Variants in ENOX1 observed in about 807,000 individuals in gnomAD.
ENOX1 encodes ecto-NOX disulfide-thiol exchanger 1.
Under a neutral mutation model 82.5 loss-of-function variants are expected in ENOX1, and 42 were observed. The ratio of observed to expected loss-of-function variants is 0.51; its 90% CI spans 0.40 to 0.66. ENOX1 has a LOEUF of 0.66. Among genes scored for constraint, ENOX1 ranks in the 30% least tolerant of loss-of-function variants. ENOX1 has a pLI of 0.00. For missense variants in ENOX1, 608 were observed against 811.6 expected, an observed-to-expected ratio of 0.75 and a Z score of 3.05; for synonymous variants, 271 against 282.2, an observed-to-expected ratio of 0.96 and a Z score of 0.40.
At chr13:43,531,729 G>T in intron 2 of ENOX1, among the ~76,000 whole-genome samples, 1 of 146,952 alleles carries the variant, frequency 6.8e-6, no homozygotes, top group Non-Finnish European at 1.5e-5. Flanking sequence ...ATACACCATG[G>T]AATACTATGC....
At chr13:43,248,522 T>C (rs976718375) in intron 14 of ENOX1, among the ~76,000 whole-genome samples, 1 of 152,152 alleles carries the variant, frequency 6.6e-6, no homozygotes, top group East Asian at 1.9e-4. Context: ...GTATCTATTA[T>C]CAATGCTTTC....
chr13:43,605,581 G>C (rs1379134886), intron 2 of ENOX1, among the ~76,000 whole-genome samples: 3 of 152,092 alleles, frequency 2.0e-5, no homozygotes, highest in Non-Finnish European at 4.4e-5. Flanking sequence ...AATAAATGGT[G>C]CTGGAACAAC....
intron 2 of ENOX1, among the ~76,000 whole-genome samples, chr13:43,640,871 CACACACACACGCGCACACACACACGT>C (rs1423535711): frequency 1.6e-4 from 2 of 12,830 alleles, no homozygotes; most frequent in Non-Finnish European, 1.4e-4. Flanking sequence ...TACACACATG[CACACACACACGCGCACACACACACGT>C]ACACACACAC....
intron 14 of ENOX1, among the ~76,000 whole-genome samples, chr13:43,259,838 T>G (rs1318854593): frequency 2.6e-5 from 4 of 152,176 alleles, no homozygotes; most frequent in Non-Finnish European, 4.4e-5. Flanking sequence ...TATTTGTCCC[T>G]TTCTGCTTTG....
chr13:43,433,658 T>A (rs1291920379), intron 3 of ENOX1, among the ~76,000 whole-genome samples: 1 of 152,214 alleles, frequency 6.6e-6, no homozygotes, highest in African/African-American at 2.4e-5. Flanking sequence ...AAGAACACAT[T>A]TCTATGACGT....
intron 2 of ENOX1, among the ~76,000 whole-genome samples, chr13:43,503,936 TG>T: frequency 6.6e-6 from 1 of 151,430 alleles, no homozygotes; most frequent in South Asian, 2.1e-4. Flanking sequence ...CTTTGCAAAA[TG>T]GGGGAAAATA....
chr13:43,421,685 C>T (rs2153607138), intron 3 of ENOX1, among the ~76,000 whole-genome samples: 1 of 152,194 alleles, frequency 6.6e-6, no homozygotes, highest in Admixed American at 6.5e-5. Context: ...TTGCTCTATC[C>T]CAGCACTTTC....
intron 2 of ENOX1, among the ~76,000 whole-genome samples, chr13:43,535,352 T>C (rs972488619): frequency 6.6e-6 from 1 of 152,172 alleles, no homozygotes; most frequent in African/African-American, 2.4e-5. Context: ...AGCAAAAACA[T>C]ATGAGAAGAC....
At chr13:43,572,937 A>G (rs750785664) in intron 2 of ENOX1, among the ~76,000 whole-genome samples, 1 of 152,216 alleles carries the variant, frequency 6.6e-6, no homozygotes, top group African/African-American at 2.4e-5. Context: ...CCTCATACAT[A>G]TCATTGAGTC....
intron 2 of ENOX1, among the ~76,000 whole-genome samples, chr13:43,541,618 T>C (rs1566487470): frequency 6.6e-6 from 1 of 152,180 alleles, no homozygotes; most frequent in Non-Finnish European, 1.5e-5. Flanking sequence ...TGACACTGTC[T>C]CTAAAAAAAT....
intron 1 of ENOX1, among the ~76,000 whole-genome samples, chr13:43,710,161 C>T (rs1275032628): frequency 6.6e-6 from 1 of 151,848 alleles, no homozygotes; most frequent in Non-Finnish European, 1.5e-5. Context: ...AAAAAGAGGG[C>T]AGGAGGAGGG....
At chr13:43,558,170 TG>T (rs1050621990) in intron 2 of ENOX1, among the ~76,000 whole-genome samples, 1 of 152,180 alleles carries the variant, frequency 6.6e-6, no homozygotes, top group African/African-American at 2.4e-5. Flanking sequence ...CTGGTACCAC[TG>T]GGAAGAACAG....
intron 14 of ENOX1, among the ~76,000 whole-genome samples, chr13:43,237,405 T>TC (rs753563687): frequency 3.3e-5 from 5 of 152,244 alleles, no homozygotes; most frequent in Non-Finnish European, 5.9e-5. Flanking sequence ...CATCCTAGAC[T>TC]TTTGATATTA....
intron 5 of ENOX1, among the ~76,000 whole-genome samples, chr13:43,371,574 T>G (rs970395587): frequency 2.0e-5 from 3 of 152,238 alleles, no homozygotes; most frequent in Non-Finnish European, 2.9e-5. Context: ...AATATGCAAG[T>G]GTTAACCTTT....
chr13:43,664,195 T>C (rs1226811397), intron 2 of ENOX1, among the ~76,000 whole-genome samples: 1 of 152,216 alleles, frequency 6.6e-6, no homozygotes, highest in African/African-American at 2.4e-5. Context: ...ATTTTTCTCA[T>C]TTGCCTTTTT....
intron 5 of ENOX1, among the ~76,000 whole-genome samples, chr13:43,396,970 C>T (rs116066589): frequency 6.6e-6 from 1 of 152,158 alleles, no homozygotes; most frequent in African/African-American, 2.4e-5. Flanking sequence ...AGGAGCAATA[C>T]CACCTCTCCA....
chr13:43,601,166 T>C (rs932300079), intron 2 of ENOX1, among the ~76,000 whole-genome samples: 1 of 152,018 alleles, frequency 6.6e-6, no homozygotes, highest in African/African-American at 2.4e-5. Context: ...CAGAAAAACA[T>C]GACCTCACCA....
chr13:43,408,872 A>G (rs1269409392), intron 5 of ENOX1, among the ~76,000 whole-genome samples: 1 of 152,192 alleles, frequency 6.6e-6, no homozygotes. Flanking sequence ...CAGAGTGGGC[A>G]AACCTTTCTG....
At chr13:43,351,706 T>C (rs974911661) in intron 8 of ENOX1, among the ~76,000 whole-genome samples, 3 of 150,392 alleles carry the variant, frequency 2.0e-5, no homozygotes, top group African/African-American at 7.4e-5. Flanking sequence ...GATAGTTTAC[T>C]GAGAATGATG....
Sources: allele counts gnomAD v4.1 joint callset (sites outside exome capture counted in the v4.1 genomes callset), GRCh38; gene constraint gnomAD v4.1.1; transcripts MANE v1.5; gene names NCBI Gene and HGNC (gene_info 2026-07-23, HGNC 2026-07-21).